ADAMTS17: variants seen among roughly 807,000 people sequenced by gnomAD.
ADAMTS17 encodes ADAM metallopeptidase with thrombospondin type 1 motif 17.
Under a neutral mutation model 141.5 loss-of-function variants are expected in ADAMTS17, and 113 were observed. The observed-to-expected ratio is 0.80, with a 90% CI of 0.69 to 0.93. ADAMTS17 has a LOEUF of 0.93. ADAMTS17 is among the 40% of genes least tolerant of loss of function. The probability of loss-of-function intolerance (pLI) is 0.00; values close to 1 mark genes in which losing one functional copy is unlikely to be tolerated. For synonymous variants in ADAMTS17, 768 were observed against 630.6 expected (o/e 1.22, Z -3.27); for missense variants, 1,659 against 1,517.9 (o/e 1.09, Z -1.54).
intron 14 of ADAMTS17, among the ~76,000 whole-genome samples, chr15:100,098,922 G>A (rs1326402858): frequency 2.0e-5 from 3 of 152,106 alleles, no homozygotes; most frequent in African/African-American, 7.2e-5. Flanking sequence ...CTCATCTCAG[G>A]TGCCCTCTGC....
At chr15:100,019,618 G>A (rs1008188322) in intron 18 of ADAMTS17, among the ~76,000 whole-genome samples, 1 of 152,168 alleles carries the variant, frequency 6.6e-6, no homozygotes, top group Non-Finnish European at 1.5e-5. Context: ...GCCAAATGTT[G>A]CCACGCCGTT....
At chr15:100,232,712 A>G (rs556734864) in intron 7 of ADAMTS17, among the ~76,000 whole-genome samples, 26 of 152,334 alleles carry the variant, frequency 1.7e-4, no homozygotes, top group Non-Finnish European at 2.9e-4. Context: ...TGTTTCCTGA[A>G]TAGCAGGAGT....
At chr15:100,153,374 C>T (rs924095394) in intron 9 of ADAMTS17, among the ~76,000 whole-genome samples, 1 of 152,098 alleles carries the variant, frequency 6.6e-6, no homozygotes, top group African/African-American at 2.4e-5. Flanking sequence ...GGCTCGGGGG[C>T]TCACACCAGT....
rs113201502 is a variant in ADAMTS17 at position 100,153,512 on chromosome 15, G to T, written c.1323-750C>A. On this transcript the variant is annotated intron_variant, in intron 9 of 21. Coordinates refer to ENST00000268070, the MANE Select transcript of ADAMTS17 (RefSeq NM_139057.4). ...CACAAATTAGCCAGGCATGGTTGTA[G>T]TCCCACCTGTAGTCCCAGCTAATTG... is the stretch of plus-strand genomic sequence containing the variant. Among the ~76,000 whole-genome samples the T allele has an allele frequency of 5.3e-3, 814 of 152,214 alleles. 5 individuals carry two copies. The highest frequency in any genetic ancestry group is 0.018 in the African/African-American group (762 of 41,544).
chr15:99,986,565 C>T (rs1458620380), intron 20 of ADAMTS17, among the ~76,000 whole-genome samples: 1 of 152,186 alleles, frequency 6.6e-6, no homozygotes, highest in African/African-American at 2.4e-5. Context: ...CTTCCACTGG[C>T]ACCAGGGGGT....
chr15:100,234,944 G>A (rs1330170073), intron 7 of ADAMTS17, among the ~76,000 whole-genome samples: 1 of 152,216 alleles, frequency 6.6e-6, no homozygotes, highest in East Asian at 1.9e-4. Context: ...CCAAACAAGA[G>A]AAAGGCAGTG....
chr15:100,150,400 C>G (rs1038812676), intron 10 of ADAMTS17, among the ~76,000 whole-genome samples: 1 of 152,188 alleles, frequency 6.6e-6, no homozygotes, highest in African/African-American at 2.4e-5. Flanking sequence ...TCCAGCCCAC[C>G]CCTTTCCAGC....
intron 7 of ADAMTS17, among the ~76,000 whole-genome samples, chr15:100,252,966 C>T (rs535663518): frequency 1.3e-5 from 2 of 152,176 alleles, no homozygotes; most frequent in Non-Finnish European, 2.9e-5. Context: ...CCAAGGCCAC[C>T]CAGCTGGCAC....
chr15:100,162,865 T>C (rs1224520678), intron 8 of ADAMTS17, among the ~76,000 whole-genome samples: 1 of 146,368 alleles, frequency 6.8e-6, no homozygotes, highest in African/African-American at 2.5e-5. Context: ...TCTGTGTATA[T>C]ATATAACTAT....
At position 100,123,362 on chromosome 15, in the gene ADAMTS17, A is replaced by G. The variant is rs554424281; in HGVS notation, c.1722-6349T>C. Among the ~76,000 whole-genome samples the G allele has an allele frequency of 2.4e-4, 36 of 152,280 alleles. No homozygotes were observed. In the South Asian group the frequency reaches 2.5e-3, roughly 11 times the overall value. On this transcript the variant is annotated intron_variant, in intron 12 of 21. Coordinates refer to ENST00000268070, the MANE Select transcript of ADAMTS17 (RefSeq NM_139057.4). The stretch of plus-strand genomic sequence containing the variant: ...AGGGCTAAAATAAAGAACAGTTAAT[A>G]TAAGAGATTCGTGATAGAGTTATCC...
intron 18 of ADAMTS17, among the ~76,000 whole-genome samples, chr15:100,005,680 C>T (rs144709536): frequency 1.3e-5 from 2 of 152,216 alleles, no homozygotes; most frequent in African/African-American, 4.8e-5. Flanking sequence ...TAAAATTTGC[C>T]GATAAAAGGA....
At chr15:100,025,791 A>G (rs776931701) in intron 18 of ADAMTS17, among the ~76,000 whole-genome samples, 2 of 152,146 alleles carry the variant, frequency 1.3e-5, no homozygotes, top group Non-Finnish European at 2.9e-5. Context: ...ACTTTGTAGT[A>G]GTATTTAATT....
At chr15:100,254,051 C>T in intron 7 of ADAMTS17, 85 bp downstream of exon 7, 1 of 1,320,588 alleles carries the variant, frequency 7.6e-7, no homozygotes. Flanking sequence ...TGTTTGAGGA[C>T]AGCTCCTCCA....
chr15:100,271,585 GTT>G (rs78333467), intron 4 of ADAMTS17, among the ~76,000 whole-genome samples: 4 of 149,302 alleles, frequency 2.7e-5, no homozygotes, highest in East Asian at 1.9e-4. Flanking sequence ...AAATTGAATT[GTT>G]TTTTTTTTTC....
chr15:100,078,850 A>C (rs745655437), intron 15 of ADAMTS17, among the ~76,000 whole-genome samples: 1 of 152,256 alleles, frequency 6.6e-6, no homozygotes, highest in Non-Finnish European at 1.5e-5. Flanking sequence ...GAATATATAA[A>C]GAAAGCTTGC....
At chr15:100,172,364 C>T (rs75441208) in intron 8 of ADAMTS17, among the ~76,000 whole-genome samples, 10,471 of 152,166 alleles carry the variant, frequency 0.069, 554 homozygotes, top group East Asian at 0.17. Context: ...AGAATCAGTA[C>T]GTTAATATGT....
chr15:100,102,223 T>G (rs7498060), intron 14 of ADAMTS17, among the ~76,000 whole-genome samples: 1 of 152,128 alleles, frequency 6.6e-6, no homozygotes, highest in Non-Finnish European at 1.5e-5. Flanking sequence ...TTTCTTCAAA[T>G]AGCAGATGAT....
At chr15:100,000,761 C>T (rs1056227603) in intron 18 of ADAMTS17, among the ~76,000 whole-genome samples, 3 of 152,316 alleles carry the variant, frequency 2.0e-5, no homozygotes, top group African/African-American at 7.2e-5. Flanking sequence ...GATCCACCTG[C>T]CTCAGCCTCC....
intron 14 of ADAMTS17, among the ~76,000 whole-genome samples, chr15:100,102,056 A>G (rs2036133027): frequency 6.6e-6 from 1 of 152,234 alleles, no homozygotes; most frequent in African/African-American, 2.4e-5. Context: ...TGCATGGAAA[A>G]TAGAATTTCT....
Sources: gnomAD v4.1 joint callset for allele counts (sites outside exome capture counted in the v4.1 genomes callset) on GRCh38, gnomAD v4.1.1 for gene constraint, MANE v1.5 for transcripts, NCBI Gene and HGNC (gene_info 2026-07-23, HGNC 2026-07-21) for gene names.